FBXL4: variants seen among roughly 807,000 people sequenced by gnomAD.
FBXL4 encodes F-box and leucine rich repeat protein 4, also known as F-box/LRR-repeat protein 4.
Under a neutral mutation model 58.9 loss-of-function variants are expected in FBXL4, and 40 were observed. The ratio of observed to expected loss-of-function variants is 0.68; its 90% CI spans 0.53 to 0.88. FBXL4 has a LOEUF of 0.88. FBXL4 is among the 40% of genes least tolerant of loss of function. FBXL4 has a pLI of 0.00. For synonymous variants in FBXL4, 263 were observed against 265.5 expected (o/e 0.99, Z 0.09); for missense variants, 676 against 734.4 (o/e 0.92, Z 0.92).
intron 5 of FBXL4, among the ~76,000 whole-genome samples, chr6:98,911,218 A>G (rs1037650692): frequency 2.0e-5 from 3 of 152,188 alleles, no homozygotes; most frequent in Admixed American, 1.3e-4. Flanking sequence ...AAGGAGGCCT[A>G]CCTGCCTCTG....
At chr6:98,897,333 C>G (rs1267000593) in intron 7 of FBXL4, 1 of 985,166 alleles carries the variant, frequency 1.0e-6, no homozygotes, top group Non-Finnish European at 1.2e-6. Flanking sequence ...AGTCATTTCA[C>G]CACAGACCAA....
chr6:98,941,431 ACC>A (rs1237937897), intron 1 of FBXL4, among the ~76,000 whole-genome samples: 2 of 152,152 alleles, frequency 1.3e-5, no homozygotes, highest in African/African-American at 4.8e-5. Context: ...GACTAAAGTA[ACC>A]ACAAAGGGGC....
chr6:98,893,371 A>T (rs1186173195), intron 7 of FBXL4, among the ~76,000 whole-genome samples: 1 of 151,894 alleles, frequency 6.6e-6, no homozygotes, highest in East Asian at 1.9e-4. Context: ...TTCCTCTAAG[A>T]CTTCTCTTAC....
intron 1 of FBXL4, among the ~76,000 whole-genome samples, chr6:98,945,490 A>C (rs920779910): frequency 2.0e-5 from 3 of 152,234 alleles, no homozygotes; most frequent in Non-Finnish European, 4.4e-5. Flanking sequence ...GAACAAGGTT[A>C]CTGGGTAGGT....
At chr6:98,916,111 A>G (rs1017840719) in intron 5 of FBXL4, among the ~76,000 whole-genome samples, 3 of 152,036 alleles carry the variant, frequency 2.0e-5, no homozygotes, top group Non-Finnish European at 4.4e-5. Context: ...TCAAAACCAC[A>G]ATGAGATACC....
At chr6:98,932,132 T>C (rs996017407) in intron 2 of FBXL4, among the ~76,000 whole-genome samples, 1 of 152,258 alleles carries the variant, frequency 6.6e-6, no homozygotes, top group African/African-American at 2.4e-5. Flanking sequence ...CATTTTCTTT[T>C]TTTGTTCATT....
intron 4 of FBXL4, among the ~76,000 whole-genome samples, chr6:98,919,862 C>A (rs969701351): frequency 6.6e-6 from 1 of 152,080 alleles, no homozygotes; most frequent in Non-Finnish European, 1.5e-5. Context: ...GTCGCCACTG[C>A]AAATTGACAC....
At chr6:98,894,161 C>T (rs1771330621) in intron 7 of FBXL4, among the ~76,000 whole-genome samples, 1 of 152,138 alleles carries the variant, frequency 6.6e-6, no homozygotes, top group Non-Finnish European at 1.5e-5. Context: ...GCCCCTGAGC[C>T]CAGCTGAATG....
At chr6:98,898,668 C>T (rs1048455161) in intron 7 of FBXL4, 2 of 984,632 alleles carry the variant, frequency 2.0e-6, no homozygotes, top group East Asian at 2.3e-4. Flanking sequence ...AAAAGGAAAA[C>T]AACTGGAAAA....
At position 98,874,396 on chromosome 6, in the gene FBXL4, G is replaced by C. The variant is rs766646887; in HGVS notation, c.1748C>G (p.Ser583Cys). ...ATCAAGTAAAGAAAGATCTTTACAA[G>C]ATTCCAGGAGTTTTCTTAAGGATGC... The part of the protein sequence containing the change: ...SPASLRKLLE[S>C]CKDLSLLDVS... The change falls in exon 10 of 10, where the codon TCT becomes TGT. Residue 583 changes from serine (S) to cysteine (C), a missense_variant. Transcript: ENST00000369244. 2 of 1,611,830 alleles carry C rather than the reference G, an allele frequency of 1.2e-6. No individual in the cohort carries two copies. Among genetic ancestry groups the C allele is most frequent in the South Asian group, 1.1e-5 (1 of 90,748 alleles).
intron 7 of FBXL4, among the ~76,000 whole-genome samples, chr6:98,880,952 A>C (rs1298534799): frequency 6.6e-6 from 1 of 152,186 alleles, no homozygotes; most frequent in Non-Finnish European, 1.5e-5. Context: ...CAATTGAACA[A>C]CAAGACAAGC....
At chr6:98,932,961 T>C in intron 2 of FBXL4, among the ~76,000 whole-genome samples, 1 of 145,252 alleles carries the variant, frequency 6.9e-6, no homozygotes, top group East Asian at 2.0e-4. Flanking sequence ...AGTACCAAAA[T>C]GTAATTAGAA....
chr6:98,874,457 A>G lies in FBXL4; in HGVS notation c.1703-16T>C. 6.3e-7 allele frequency: 1 copy of G among 1,583,508 alleles called. No individual in the cohort carries two copies. The highest frequency in any genetic ancestry group is 8.6e-7 in the Non-Finnish European group (1 of 1,168,358). On this transcript the variant is annotated splice_polypyrimidine_tract_variant and intron_variant, in intron 9 of 9. Coordinates refer to ENST00000369244, the MANE Select transcript of FBXL4 (RefSeq NM_001278716.2). ...ATTCTTGTTCCTATTTAAGGGAAAC[A>G]AAACAAAACAAAACAAAACACCTTA...
At position 98,917,558 on chromosome 6, in the gene FBXL4, A is replaced by G. The variant is rs1582425168; in HGVS notation, c.674T>C (p.Leu225Pro). 3 of 1,614,050 alleles carry G rather than the reference A, an allele frequency of 1.9e-6. No homozygotes were observed. The highest frequency in any genetic ancestry group is 2.5e-6 in the Non-Finnish European group (3 of 1,179,920). Residue 225 changes from leucine (L) to proline (P), a missense_variant, in exon 5 of 10, where the codon CTA becomes CCA. Physicochemically the swap from Leu to Pro is moderately conservative, Grantham distance 98. Transcript: ENST00000369244. Reference sequence around the variant, plus strand: ...CACTGGCTTGTCCTTCACACCATGTAGCACAACTGCATCTAATTCAGTGTA... The same window carrying G: ...CACTGGCTTGTCCTTCACACCATGTGGCACAACTGCATCTAATTCAGTGTA... ...EYYTELDAVV[L>P]HGVKDKPVLS...
intron 5 of FBXL4, among the ~76,000 whole-genome samples, chr6:98,909,451 C>T (rs956254815): frequency 2.0e-5 from 3 of 152,192 alleles, no homozygotes; most frequent in Non-Finnish European, 4.4e-5. Context: ...ACAAGTCACA[C>T]AGTTTCACTT....
chr6:98,929,486 G>A (rs528047827), intron 2 of FBXL4, among the ~76,000 whole-genome samples: 3 of 150,944 alleles, frequency 2.0e-5, no homozygotes, highest in South Asian at 2.1e-4. Context: ...CAGGAGAATC[G>A]CTTGAATCCA....
intron 8 of FBXL4, among the ~76,000 whole-genome samples, chr6:98,878,410 T>C (rs1228794145): frequency 6.6e-6 from 1 of 152,046 alleles, no homozygotes; most frequent in East Asian, 1.9e-4. Flanking sequence ...GGTATAACCA[T>C]AGCTCACTGC....
At chr6:98,897,473 T>A in intron 7 of FBXL4, 1 of 492,076 alleles carries the variant, frequency 2.0e-6, no homozygotes. Context: ...GGGCTAGAAC[T>A]AGAATCAAAG....
chr6:98,913,739 C>T (rs551345444), intron 5 of FBXL4, among the ~76,000 whole-genome samples: 2 of 152,240 alleles, frequency 1.3e-5, no homozygotes, highest in African/African-American at 4.8e-5. Flanking sequence ...GACACCCTAA[C>T]ATCACAATTA....
Sources: gnomAD v4.1 joint callset for allele counts (sites outside exome capture counted in the v4.1 genomes callset) on GRCh38, gnomAD v4.1.1 for gene constraint, MANE v1.5 for transcripts, NCBI Gene and HGNC (gene_info 2026-07-23, HGNC 2026-07-21) for gene names.